The following SCUBE1 variants were observed in gnomAD, a reference collection of about 807,000 sequenced individuals.
SCUBE1 encodes signal peptide, CUB and EGF-like domain-containing protein 1.
A neutral mutation model predicts 124.4 loss-of-function variants in SCUBE1; 59 were observed. The observed-to-expected ratio is 0.47, with a 90% confidence interval of 0.38 to 0.59. The LOEUF (loss-of-function observed/expected upper bound fraction) is 0.59, where lower values mean the gene tolerates loss of function less well. Ranked by LOEUF, SCUBE1 falls within the 20% of genes least tolerant of loss-of-function variation. SCUBE1 has a pLI of 0.00. For synonymous variants in SCUBE1, 545 were observed against 550.9 expected (o/e 0.99, Z 0.15); for missense variants, 1,150 against 1,371.2 (o/e 0.84, Z 2.55).
chr22:43,212,049 G>A (rs1921583769), intron 17 of SCUBE1, among the ~76,000 whole-genome samples: 1 of 152,076 alleles, frequency 6.6e-6, no homozygotes, highest in Non-Finnish European at 1.5e-5. Flanking sequence ...CAGATGCCCT[G>A]AACAGACAGC....
intron 7 of SCUBE1, chr22:43,238,347 A>C: frequency 4.2e-6 from 1 of 235,506 alleles, no homozygotes; most frequent in Non-Finnish European, 8.2e-6. Flanking sequence ...GTAGTGACAC[A>C]CTGTCCTTAT....
intron 6 of SCUBE1, among the ~76,000 whole-genome samples, chr22:43,248,271 G>C (rs1210485586): frequency 2.0e-5 from 3 of 152,176 alleles, no homozygotes. Flanking sequence ...GGGGCGAGGG[G>C]TAGGGCCACC....
At position 43,210,433 on chromosome 22, in the gene SCUBE1, G is replaced by A. The variant is rs1174571241; in HGVS notation, c.2384-193C>T. 2.6e-5 allele frequency among the ~76,000 whole-genome samples: 4 copies of A among 152,134 alleles called. No individual in the cohort carries two copies. The highest frequency in any genetic ancestry group is 2.0e-4 in the Admixed American group (3 of 15,284). On this transcript the variant is annotated intron_variant, in intron 18 of 21. Coordinates refer to ENST00000360835, the MANE Select transcript of SCUBE1 (RefSeq NM_173050.5). This position sits in a 1 kb window ranked among gnomAD's most constrained non-coding sequence, Gnocchi z 4.5. ...GGGCTGCCCCCAGAGCAGGAGGGCA[G>A]GTCCCCTGTTCAGGCCTGTGGTTCC...
chr22:43,341,537 G>C (rs547270055), intron 1 of SCUBE1, among the ~76,000 whole-genome samples: 1 of 152,248 alleles, frequency 6.6e-6, no homozygotes, highest in Non-Finnish European at 1.5e-5. Flanking sequence ...ACCTAGGCAG[G>C]TGTCTTCACT....
At chr22:43,337,109 T>C (rs1927107850) in intron 2 of SCUBE1, among the ~76,000 whole-genome samples, 1 of 152,184 alleles carries the variant, frequency 6.6e-6, no homozygotes, top group African/African-American at 2.4e-5. Flanking sequence ...AAGCCTCCTC[T>C]TGTCTCATCT....
At position 43,319,956 on chromosome 22, in the gene SCUBE1, G is replaced by T. The variant is rs141101679; in HGVS notation, c.330C>A (p.His110Gln). The T allele has an allele frequency of 6.2e-7, 1 of 1,614,068 alleles. No individual in the cohort carries two copies. The highest frequency in any genetic ancestry group is 8.5e-7 in the Non-Finnish European group (1 of 1,179,974). ...CTCFDGFMLA[H>Q]DGHNCLDVDE... Reference sequence around the variant, plus strand: ...ACTCACCCAGGCAGTTGTGTCCATCGTGTGCCAGCATGAAGCCATCAAAGC... The same window carrying T: ...ACTCACCCAGGCAGTTGTGTCCATCTTGTGCCAGCATGAAGCCATCAAAGC... The change falls in exon 3 of 22, where the codon CAC becomes CAA. Residue 110 changes from histidine to glutamine, a missense_variant. By Grantham distance (24) the His-to-Gln change is conservative. Transcript: ENST00000360835.
chr22:43,217,807 G>A (rs1345044647), intron 15 of SCUBE1, among the ~76,000 whole-genome samples: 1 of 152,152 alleles, frequency 6.6e-6, no homozygotes, highest in Non-Finnish European at 1.5e-5. Context: ...CCTGCAGCAC[G>A]ACGCTGCCCT....
At position 43,210,735 on chromosome 22, in the gene SCUBE1, C is replaced by A. The variant is rs1480001249; in HGVS notation, c.2383+187G>T. Among the ~76,000 whole-genome samples, 2 of 152,230 alleles carry A rather than the reference C, an allele frequency of 1.3e-5. No individual in the cohort carries two copies. Among genetic ancestry groups the A allele is most frequent in the African/African-American group, 4.8e-5 (2 of 41,460 alleles). ...TGTGGGCTCCGTAGAGTGGGCCAAG[C>A]CAGGGCTGCCCCTTTGGTGCCACAG... On this transcript the variant is annotated intron_variant, in intron 18 of 21. Transcript: ENST00000360835. This position sits in a 1 kb window ranked among gnomAD's most constrained non-coding sequence, Gnocchi z 4.5.
chr22:43,266,926 G>C (rs1291900394), intron 4 of SCUBE1, among the ~76,000 whole-genome samples: 1 of 152,166 alleles, frequency 6.6e-6, no homozygotes, highest in African/African-American at 2.4e-5. Context: ...GGCCCTGAGT[G>C]TGAGGACAAA....
chr22:43,241,302 G>A (rs1054290121), intron 6 of SCUBE1, among the ~76,000 whole-genome samples: 2 of 152,084 alleles, frequency 1.3e-5, no homozygotes, highest in Non-Finnish European at 2.9e-5. Context: ...CAGGGGTCAC[G>A]TGGTCACCAC....
At chr22:43,232,047 T>G in intron 7 of SCUBE1, 172 bp from the exon 8 acceptor site, 5 of 654,384 alleles carry the variant, frequency 7.6e-6, no homozygotes, top group East Asian at 2.9e-5. Context: ...GGGCCCTGTC[T>G]CGCAGGGGTC....
chr22:43,248,791 C>T (rs1182844064), intron 6 of SCUBE1, among the ~76,000 whole-genome samples: 1 of 152,220 alleles, frequency 6.6e-6, no homozygotes, highest in African/African-American at 2.4e-5. Flanking sequence ...TCCCTTCCCA[C>T]TTCCAAGCAC....
intron 3 of SCUBE1, among the ~76,000 whole-genome samples, chr22:43,317,556 T>C (rs988308258): frequency 2.0e-5 from 3 of 152,208 alleles, no homozygotes. Flanking sequence ...ATAATGTATC[T>C]ACGGACATGC....
At chr22:43,273,722 G>A (rs1924385807) in intron 4 of SCUBE1, among the ~76,000 whole-genome samples, 1 of 151,662 alleles carries the variant, frequency 6.6e-6, no homozygotes, top group South Asian at 2.1e-4. Context: ...ACAGGTGTGC[G>A]CTACCACACC....
intron 6 of SCUBE1, among the ~76,000 whole-genome samples, chr22:43,249,787 G>A (rs953516744): frequency 2.6e-5 from 4 of 152,246 alleles, no homozygotes; most frequent in South Asian, 4.1e-4. Flanking sequence ...GCAGCCACGC[G>A]GCCCAGAGGG....
At chr22:43,329,267 T>A (rs1926826547) in intron 2 of SCUBE1, among the ~76,000 whole-genome samples, 1 of 152,246 alleles carries the variant, frequency 6.6e-6, no homozygotes, top group African/African-American at 2.4e-5. Flanking sequence ...GGGCTGGCAG[T>A]GGGAAGGGAC....
At position 43,245,391 on chromosome 22, in the gene SCUBE1, C is replaced by G. The variant is rs563948983; in HGVS notation, c.728-6437G>C. Among the ~76,000 whole-genome samples the G allele has an allele frequency of 6.6e-5, 10 of 152,348 alleles. No individual in the cohort carries two copies. In the South Asian group the frequency reaches 1.9e-3, roughly 28 times the overall value. On this transcript the variant is annotated intron_variant, in intron 6 of 21. Transcript: ENST00000360835. ...GACCTGTCTGCTGGGGGGGTGCCGG[C>G]TGGGTCTGCCCCAGGGCTGCCTGGG... is the stretch of plus-strand genomic sequence containing the variant.
intron 5 of SCUBE1, among the ~76,000 whole-genome samples, chr22:43,260,815 G>GGTGA (rs1423355548): frequency 2.0e-5 from 3 of 152,172 alleles, no homozygotes; most frequent in African/African-American, 7.2e-5. Flanking sequence ...GGGCAGCTGG[G>GGTGA]GTGAGGGTTG....
rs185273905 is a variant in SCUBE1 at position 43,325,335 on chromosome 22, C to G, written c.221-5270G>C. Among the ~76,000 whole-genome samples, 295 of 150,894 alleles carry G rather than the reference C, an allele frequency of 2.0e-3. 2 individuals carry two copies. In the Middle Eastern group the frequency reaches 0.027, roughly 14 times the overall value. ...GCGCATGCCTATAATCCCAGCTACT[C>G]GGGAGGCTGAAGCAGGAAAATCGCT... On this transcript the variant is annotated intron_variant, in intron 2 of 21. Transcript: ENST00000360835.
Sources: allele counts gnomAD v4.1 joint callset (sites outside exome capture counted in the v4.1 genomes callset), GRCh38; gene constraint gnomAD v4.1.1; non-coding constraint Gnocchi (gnomAD v3.1); transcripts MANE v1.5; gene names NCBI Gene and HGNC (gene_info 2026-07-23, HGNC 2026-07-21).